The following CACNA1D variants were observed in gnomAD, a reference collection of about 807,000 sequenced individuals.
CACNA1D encodes calcium voltage-gated channel subunit alpha1 D, also known as voltage-dependent L-type calcium channel subunit alpha-1D.
Under a neutral mutation model 257.1 loss-of-function variants are expected in CACNA1D, and 55 were observed. The observed-to-expected ratio is 0.21, with a 90% CI of 0.17 to 0.27. The LOEUF is 0.27. CACNA1D is among the 10% of genes least tolerant of loss of function. The probability of loss-of-function intolerance (pLI) is 1.00; values close to 1 mark genes in which losing one functional copy is unlikely to be tolerated. For missense variants in CACNA1D, 1,876 were observed against 2,784.0 expected (o/e 0.67, Z 7.34); for synonymous variants, 980 against 1,014.9 (o/e 0.97, Z 0.65).
At chr3:53,505,115 GTTTTTTT>G (rs35938386) in intron 3 of CACNA1D, among the ~76,000 whole-genome samples, 20 of 97,620 alleles carry the variant, frequency 2.0e-4, no homozygotes, top group Non-Finnish European at 3.3e-4. Flanking sequence ...TTGTTTATTT[GTTTTTTT>G]TTTTTTTTTT....
intron 3 of CACNA1D, among the ~76,000 whole-genome samples, chr3:53,580,504 C>A (rs1405058310): frequency 6.6e-6 from 1 of 152,190 alleles, no homozygotes; most frequent in Non-Finnish European, 1.5e-5. Flanking sequence ...GTCTGTGGGG[C>A]AAATAGATAC....
chr3:53,540,575 A>G (rs34106488), intron 3 of CACNA1D, among the ~76,000 whole-genome samples: 63,327 of 151,854 alleles, frequency 0.42, 14,600 homozygotes, highest in Middle Eastern at 0.53. Flanking sequence ...AAAAAGTCTT[A>G]TATCTTTGCC....
rs2095606605 is a variant in CACNA1D at position 53,812,860 on chromosome 3, A to G, written c.*1454A>G. 2 of 152,202 alleles carry G rather than the reference A, an allele frequency of 1.3e-5. No homozygotes were observed. Among genetic ancestry groups the G allele is most frequent in the East Asian group, 3.9e-4 (2 of 5,180 alleles). The allele number at this position is 152,202 out of a possible 1,614,324, so 9.4% of individuals were successfully genotyped here. ...TACAAATCGTATTGTTGCCTTTTACAAAACTGCTGTACTGTATGTTCTCTT... is the reference window on the plus strand; with the variant it reads ...TACAAATCGTATTGTTGCCTTTTACGAAACTGCTGTACTGTATGTTCTCTT... On this transcript the variant is annotated 3_prime_UTR_variant, in exon 48 of 48. Coordinates refer to ENST00000350061, the MANE Select transcript of CACNA1D (RefSeq NM_001128840.3).
Position 53,774,548 on chromosome 3 carries a change from G to A in CACNA1D, c.4111-39G>A, listed in dbSNP as rs369657890. 1.3e-4 allele frequency: 162 copies of A among 1,252,686 alleles called. No homozygotes were observed. Among genetic ancestry groups the A allele is most frequent in the Non-Finnish European group, 1.3e-4 (112 of 850,458 alleles). 77.6% of individuals were successfully genotyped at this position (1,252,686 alleles called of 1,614,324 possible). A position where few individuals can be genotyped will look rare whatever the true frequency, so the allele number is the denominator to read the frequency against. ...CACATACGGATTTTTTTTGCATGAC[G>A]AAATCTATTCTCTTTTTCCTGACAA... On this transcript the variant is annotated intron_variant, in intron 33 of 47. Transcript: ENST00000350061. This position sits in a 1 kb window ranked among gnomAD's most constrained non-coding sequence, Gnocchi z 4.3.
intron 3 of CACNA1D, among the ~76,000 whole-genome samples, chr3:53,546,682 G>C (rs569900669): frequency 6.6e-6 from 1 of 152,196 alleles, no homozygotes; most frequent in South Asian, 2.1e-4. Flanking sequence ...GAAAGTTTTG[G>C]GTTGCCAGGC....
intron 3 of CACNA1D, among the ~76,000 whole-genome samples, chr3:53,566,039 C>T (rs2092828844): frequency 6.6e-6 from 1 of 152,182 alleles, no homozygotes; most frequent in Non-Finnish European, 1.5e-5. Flanking sequence ...CATCAGTTCT[C>T]TACATCTTAG....
rs1475120903 is a variant in CACNA1D, at chr3:53,497,166, A to G, written c.82A>G (p.Arg28Gly). 6.8e-6 allele frequency: 11 copies of G among 1,614,062 alleles called. No homozygotes were observed. The highest frequency in any genetic ancestry group is 1.3e-5 in the African/African-American group (1 of 75,030). Residue 28 changes from arginine (R) to glycine (G), a missense_variant, in exon 2 of 48, where the codon AGA becomes GGA. Physicochemically the swap from Arg to Gly is moderately radical, Grantham distance 125. Around this residue, in one of 10 missense-constraint regions of CACNA1D, gnomAD observed 143 missense variants for 168.7 expected, o/e 0.85. Coordinates refer to ENST00000350061, the MANE Select transcript of CACNA1D (RefSeq NM_001128840.3). ...ADHANEANYA[R>G]GTRLPLSGEG... is the part of the protein sequence containing the mutation. Reference sequence around the variant, plus strand: ...CTTCTCCCCAGAGGCAAACTATGCAAGAGGCACCAGACTTCCTCTTTCTGG... The same window carrying G: ...CTTCTCCCCAGAGGCAAACTATGCAGGAGGCACCAGACTTCCTCTTTCTGG...
At chr3:53,668,994 AC>A (rs1156391522) in intron 7 of CACNA1D, among the ~76,000 whole-genome samples, 3 of 152,034 alleles carry the variant, frequency 2.0e-5, no homozygotes, top group Non-Finnish European at 4.4e-5. Flanking sequence ...ATGCTGTGGG[AC>A]CCCCTGGCCT....
At chr3:53,567,964 A>G (rs373150569) in intron 3 of CACNA1D, among the ~76,000 whole-genome samples, 2 of 152,320 alleles carry the variant, frequency 1.3e-5, no homozygotes, top group East Asian at 1.9e-4. Context: ...CGGGCAGAGC[A>G]CTAGGCTGCG....
chr3:53,604,672 A>G (rs2093485544), intron 3 of CACNA1D, among the ~76,000 whole-genome samples: 1 of 152,290 alleles, frequency 6.6e-6, no homozygotes, highest in Non-Finnish European at 1.5e-5. Flanking sequence ...AATGGTGGAT[A>G]TGAAAGTGCC....
rs189908258 is a variant in CACNA1D, at chr3:53,622,683, C to T, written c.484-28096C>T. Among the ~76,000 whole-genome samples, 76 of 152,098 alleles carry T rather than the reference C, an allele frequency of 5.0e-4. 1 individual carries two copies. In the East Asian group the frequency reaches 0.014, roughly 28 times the overall value. ...CAACTAATGTGTACTAGGCTTGATA[C>T]CTGGGTGATGAAATAATCTGTACAA... On this transcript the variant is annotated intron_variant, in intron 3 of 47. Transcript: ENST00000350061.
At chr3:53,585,580 A>G (rs894417183) in intron 3 of CACNA1D, among the ~76,000 whole-genome samples, 1 of 152,048 alleles carries the variant, frequency 6.6e-6, no homozygotes, top group African/African-American at 2.4e-5. Flanking sequence ...TGTCACATGA[A>G]TTGAACACCT....
At chr3:53,556,371 A>T (rs1351703723) in intron 3 of CACNA1D, among the ~76,000 whole-genome samples, 1 of 152,222 alleles carries the variant, frequency 6.6e-6, no homozygotes, top group African/African-American at 2.4e-5. Flanking sequence ...CCAGAAGTGT[A>T]TGAGAGCTAT....
At chr3:53,803,702 C>A (rs2095547813) in intron 44 of CACNA1D, 130 bp downstream of exon 44, 13 of 839,072 alleles carry the variant, frequency 1.5e-5, no homozygotes, top group Admixed American at 3.6e-5. Flanking sequence ...GCAGAAACTC[C>A]AGGCCAGAGG....
rs547391529 is a variant in CACNA1D, at chr3:53,669,701, T to C, written c.1116+3166T>C. Among the ~76,000 whole-genome samples the C allele has an allele frequency of 4.6e-5, 7 of 152,286 alleles. No homozygotes were observed. The East Asian group carries it at 1.4e-3, about 29-fold the overall frequency. On this transcript the variant is annotated intron_variant, in intron 7 of 47. Transcript: ENST00000350061. ...CTTAGAACAGGACTATTTGGATGTG[T>C]GGGAAGTGGGATCATTAAGTTCTGG... is the stretch of plus-strand genomic sequence containing the variant.
chr3:53,504,682 A>G (rs529403024), intron 3 of CACNA1D, among the ~76,000 whole-genome samples: 1 of 151,718 alleles, frequency 6.6e-6, no homozygotes, highest in East Asian at 1.9e-4. Context: ...AATACCATTG[A>G]TTTTATTATT....
At chr3:53,767,301 A>C (rs750016721) in intron 30 of CACNA1D, among the ~76,000 whole-genome samples, 8 of 152,282 alleles carry the variant, frequency 5.3e-5, no homozygotes, top group Middle Eastern at 6.8e-3. Flanking sequence ...GCAGTGGCTC[A>C]TGCCTGTAAT....
At chr3:53,667,649 GC>G (rs2094280749) in intron 7 of CACNA1D, among the ~76,000 whole-genome samples, 1 of 152,166 alleles carries the variant, frequency 6.6e-6, no homozygotes, top group African/African-American at 2.4e-5. Context: ...CTGCCCTTCA[GC>G]AGCTCACAGG....
intron 3 of CACNA1D, among the ~76,000 whole-genome samples, chr3:53,508,074 C>T (rs919344500): frequency 3.3e-5 from 5 of 152,272 alleles, no homozygotes; most frequent in South Asian, 2.1e-4. Flanking sequence ...GTCAGCCTCA[C>T]GTTGCCTATG....
Sources: allele counts gnomAD v4.1 joint callset (sites outside exome capture counted in the v4.1 genomes callset), GRCh38; gene constraint gnomAD v4.1.1; regional missense constraint gnomAD v4.1.1; non-coding constraint Gnocchi (gnomAD v3.1); transcripts MANE v1.5; gene names NCBI Gene and HGNC (gene_info 2026-07-23, HGNC 2026-07-21).